The following EZR variants were observed in gnomAD, a reference collection of about 807,000 sequenced individuals.
The protein encoded by EZR is cytovillin 2.
Under a neutral mutation model 74.8 loss-of-function variants are expected in EZR, and 40 were observed. The ratio of observed to expected loss-of-function variants is 0.53; its 90% CI spans 0.42 to 0.70. The LOEUF (loss-of-function observed/expected upper bound fraction) is 0.70. Among genes scored for constraint, EZR ranks in the 30% least tolerant of loss-of-function variants. The pLI is 0.00. For synonymous variants in EZR, 341 were observed against 283.3 expected (o/e 1.20, Z -2.05); for missense variants, 678 against 755.8 (o/e 0.90, Z 1.21).
rs1275985880 is a variant in EZR, at chr6:158,770,760, T to A, written c.1090+4A>T. On this transcript the variant is annotated splice_donor_region_variant and intron_variant, in intron 10 of 13. Coordinates refer to ENST00000367075, the MANE Select transcript of EZR (RefSeq NM_001111077.2). Reference sequence around the variant, plus strand: ...TGTAGAGTGCCAGCCCCAGGGCGCCTGACCTCTCTCTGCCTTCTTTGTCTT... The same window carrying A: ...TGTAGAGTGCCAGCCCCAGGGCGCCAGACCTCTCTCTGCCTTCTTTGTCTT... 6.2e-7 allele frequency: 1 copy of A among 1,614,138 alleles called. No individual in the cohort carries two copies. The highest frequency in any genetic ancestry group is 8.5e-7 in the Non-Finnish European group (1 of 1,180,008).
intron 4 of EZR, among the ~76,000 whole-genome samples, chr6:158,786,334 A>T (rs1791582338): frequency 6.6e-6 from 1 of 152,186 alleles, no homozygotes; most frequent in African/African-American, 2.4e-5. Flanking sequence ...AGATCGTGCC[A>T]CTGCACCCCA....
intron 7 of EZR, among the ~76,000 whole-genome samples, chr6:158,782,531 T>A (rs1427119860): frequency 1.3e-5 from 2 of 152,214 alleles, no homozygotes; most frequent in Admixed American, 6.5e-5. Flanking sequence ...TCTGGGCCAC[T>A]CTGCTCTTTA....
intron 1 of EZR, 63 bp from the exon 2 acceptor site, chr6:158,818,229 G>T (rs1457638399): frequency 2.3e-6 from 2 of 880,644 alleles, no homozygotes; most frequent in Non-Finnish European, 3.4e-6. Flanking sequence ...TGCCGCGCCC[G>T]ACACTCGGCG....
At chr6:158,816,615 T>C (rs1003244244) in intron 2 of EZR, among the ~76,000 whole-genome samples, 3 of 152,194 alleles carry the variant, frequency 2.0e-5, no homozygotes, top group Non-Finnish European at 4.4e-5. Context: ...ACTTTTAAGT[T>C]TGAATTAAAA....
intron 8 of EZR, among the ~76,000 whole-genome samples, chr6:158,772,578 G>A (rs989954031): frequency 5.3e-5 from 8 of 152,322 alleles, no homozygotes; most frequent in Admixed American, 3.9e-4. Flanking sequence ...CACAGCCTTC[G>A]GGAAACTCGT....
chr6:158,776,313 T>G (rs1791276511), intron 8 of EZR, 95 bp downstream of exon 8: 1 of 1,031,382 alleles, frequency 9.7e-7, no homozygotes, highest in Middle Eastern at 2.1e-4. Flanking sequence ...GTTTGGACTA[T>G]CACTGGCTAC....
intron 2 of EZR, among the ~76,000 whole-genome samples, chr6:158,793,753 G>C (rs530011716): frequency 6.6e-6 from 1 of 152,312 alleles, no homozygotes; most frequent in South Asian, 2.1e-4. Flanking sequence ...ATGGGGAAAA[G>C]GGAGGAGATC....
At chr6:158,775,408 C>T (rs1334999196) in intron 8 of EZR, among the ~76,000 whole-genome samples, 1 of 152,184 alleles carries the variant, frequency 6.6e-6, no homozygotes, top group Non-Finnish European at 1.5e-5. Context: ...GCTAGACAAA[C>T]CTGTATGTGG....
At position 158,766,724 on chromosome 6, in the gene EZR, T is replaced by C. The variant is rs1209696894; in HGVS notation, c.*190A>G. 3.5e-5 allele frequency: 22 copies of C among 636,170 alleles called. No homozygotes were observed. In the East Asian group the frequency reaches 4.4e-4, roughly 13 times the overall value. 39.4% of individuals were successfully genotyped at this position (636,170 alleles called of 1,614,324 possible). ...CGAGAATCAGGCCTGCTTGGCACTA[T>C]TACAACTGGGGAAAACAAACCAGGG... On this transcript the variant is annotated 3_prime_UTR_variant, in exon 14 of 14. Transcript: ENST00000367075.
Position 158,766,819 on chromosome 6 carries a change from G to T in EZR, c.*95C>A. On this transcript the variant is annotated 3_prime_UTR_variant, in exon 14 of 14. Transcript: ENST00000367075. ...CTTTCTAAAGGAACTGGGATCTGAG[G>T]GAGTTCCTAGACTTGGAGCACTAAA... 8.3e-7 allele frequency: 1 copy of T among 1,200,000 alleles called. No individual in the cohort carries two copies. Among genetic ancestry groups the T allele is most frequent in the South Asian group, 1.4e-5 (1 of 70,756 alleles). 74.3% of individuals were successfully genotyped at this position (1,200,000 alleles called of 1,614,324 possible). A position where few individuals can be genotyped will look rare whatever the true frequency, so the allele number is the denominator to read the frequency against.
At chr6:158,802,108 G>A (rs998738617) in intron 2 of EZR, among the ~76,000 whole-genome samples, 2 of 150,516 alleles carry the variant, frequency 1.3e-5, no homozygotes, top group Non-Finnish European at 3.0e-5. Flanking sequence ...AAACAATCTG[G>A]CCTCCCCACC....
chr6:158,782,881 CCT>C (rs967170915), intron 7 of EZR, among the ~76,000 whole-genome samples: 10 of 152,282 alleles, frequency 6.6e-5, no homozygotes, highest in Middle Eastern at 3.4e-3. Context: ...GATGACTTTC[CCT>C]GTTTATCCTC....
At chr6:158,776,650 CA>C in intron 7 of EZR, 146 bp from the exon 8 acceptor site, 1 of 629,006 alleles carries the variant, frequency 1.6e-6, no homozygotes. Context: ...ATGCTATTAT[CA>C]AATAGTTCCC....
At chr6:158,817,430 T>TCGGCC (rs754032195) in intron 2 of EZR, among the ~76,000 whole-genome samples, 11 of 152,330 alleles carry the variant, frequency 7.2e-5, no homozygotes, top group Non-Finnish European at 1.5e-4. Context: ...CCAGGAGTGC[T>TCGGCC]CGGCCCGGCC....
In EZR at chr6:158,766,990, C is replaced by T. The variant is rs1309244595; in HGVS notation, c.1685G>A (p.Arg562Gln). 7 of 1,614,098 alleles carry T rather than the reference C, an allele frequency of 4.3e-6. No individual in the cohort carries two copies. The highest frequency in any genetic ancestry group is 1.1e-5 in the South Asian group (1 of 91,086). ...IIHNENMRQG[R>Q]DKYKTLRQIR... is the part of the protein sequence containing the mutation. ...CTGCCGCAGCGTCTTGTACTTGTCC[C>T]GGCCTTGCCTCATGTTCTCGTTGTG... is the stretch of plus-strand genomic sequence containing the variant. Residue 562 changes from arginine to glutamine, a missense_variant, in exon 14 of 14, where the codon CGG (arginine) becomes CAG (glutamine). Arg to Gln is a conservative substitution (Grantham distance 43, BLOSUM62 1). Around this residue, in one of 3 missense-constraint regions of EZR, gnomAD observed 342 missense variants for 341.2 expected, o/e 1.00. Coordinates refer to ENST00000367075, the MANE Select transcript of EZR (RefSeq NM_001111077.2).
intron 2 of EZR, 63 bp from the exon 3 acceptor site, chr6:158,789,434 G>C: frequency 7.0e-7 from 1 of 1,425,740 alleles, no homozygotes; most frequent in South Asian, 1.1e-5. Flanking sequence ...ATAACCTCCT[G>C]CACCTTCTAC....
rs1440837598 is a variant in EZR, at chr6:158,766,791, C to CT, written c.*122dup. 3.8e-5 allele frequency: 39 copies of CT among 1,020,206 alleles called. No individual in the cohort carries two copies. The East Asian group carries it at 9.1e-4, about 24-fold the overall frequency. 63.2% of individuals were successfully genotyped at this position (1,020,206 alleles called of 1,614,324 possible). ...AGCCCAGAATGTTTCTGTTGGGTAA[C>CT]TGCTTTCTAAAGGAACTGGGATCTG... On this transcript the variant is annotated 3_prime_UTR_variant, in exon 14 of 14. Coordinates refer to ENST00000367075, the MANE Select transcript of EZR (RefSeq NM_001111077.2).
chr6:158,772,158 A>C (rs1422281385), intron 8 of EZR, among the ~76,000 whole-genome samples: 2 of 151,700 alleles, frequency 1.3e-5, no homozygotes, highest in Non-Finnish European at 2.9e-5. Flanking sequence ...CACTCCAGTG[A>C]CTCCTTTCAG....
At chr6:158,818,777 T>A (rs1406784980) in intron 1 of EZR, among the ~76,000 whole-genome samples, 1 of 116,110 alleles carries the variant, frequency 8.6e-6, no homozygotes, top group Admixed American at 1.1e-4. Flanking sequence ...GAGGAAGGAG[T>A]CCCGGGACAG....
Sources: gnomAD v4.1 joint callset for allele counts (sites outside exome capture counted in the v4.1 genomes callset) on GRCh38, gnomAD v4.1.1 for gene constraint, gnomAD v4.1.1 regional missense constraint, MANE v1.5 for transcripts, NCBI Gene and HGNC (gene_info 2026-07-23, HGNC 2026-07-21) for gene names.